The following ZMIZ1 variants were observed in gnomAD, a reference collection of about 807,000 sequenced individuals.
ZMIZ1 encodes zinc finger MIZ-type containing 1.
Under a neutral mutation model 113.9 loss-of-function variants are expected in ZMIZ1, and 17 were observed. That is an observed-to-expected ratio of 0.15 (90% confidence interval 0.10 to 0.22). The LOEUF (loss-of-function observed/expected upper bound fraction) is 0.22. Ranked by LOEUF, ZMIZ1 falls within the 10% of genes least tolerant of loss-of-function variation. ZMIZ1 has a pLI of 1.00. For missense variants in ZMIZ1, 1,059 were observed against 1,477.8 expected (o/e 0.72, Z 4.65); for synonymous variants, 607 against 603.1 (o/e 1.01, Z -0.09).
intron 7 of ZMIZ1, among the ~76,000 whole-genome samples, chr10:79,259,702 G>C (rs979983885): frequency 6.7e-6 from 1 of 149,032 alleles, no homozygotes; most frequent in Non-Finnish European, 1.5e-5. Flanking sequence ...TGCAACTTCT[G>C]CCTCCCAGGT....
intron 5 of ZMIZ1, among the ~76,000 whole-genome samples, chr10:79,205,967 G>T (rs1033630144): frequency 1.3e-5 from 2 of 152,122 alleles, no homozygotes; most frequent in African/African-American, 4.8e-5. Context: ...AAGTAGCCAG[G>T]CATGGTGGTG....
chr10:79,253,731 A>G (rs1850697215), intron 7 of ZMIZ1, among the ~76,000 whole-genome samples: 1 of 152,180 alleles, frequency 6.6e-6, no homozygotes. Flanking sequence ...CAGACGCAGG[A>G]GGCTCACTTA....
chr10:79,070,439 GGGAGCCGGC>G (rs1451725096), intron 1 of ZMIZ1, among the ~76,000 whole-genome samples: 2 of 151,982 alleles, frequency 1.3e-5, no homozygotes, highest in African/African-American at 4.8e-5. Flanking sequence ...GGAGAAGGCC[GGGAGCCGGC>G]CTCAGCCCCG....
At chr10:79,071,280 A>G (rs1411169058) in intron 1 of ZMIZ1, among the ~76,000 whole-genome samples, 2 of 152,236 alleles carry the variant, frequency 1.3e-5, no homozygotes, top group African/African-American at 4.8e-5. Flanking sequence ...GGTAGACCAG[A>G]GGGTTAACCA....
chr10:79,302,705 T>TTTTTTTTTTGA (rs1220394783), intron 18 of ZMIZ1, among the ~76,000 whole-genome samples: 1 of 92,422 alleles, frequency 1.1e-5, no homozygotes. Flanking sequence ...TTTTTTTTTT[T>TTTTTTTTTTGA]GAGAGAGAGA....
chr10:79,229,938 C>T (rs1849329893), intron 7 of ZMIZ1, among the ~76,000 whole-genome samples: 1 of 152,184 alleles, frequency 6.6e-6, no homozygotes. Context: ...CAGCCCGCAA[C>T]AGGGATCCCC....
chr10:79,236,233 C>T (rs1001778728), intron 7 of ZMIZ1, among the ~76,000 whole-genome samples: 4 of 152,324 alleles, frequency 2.6e-5, no homozygotes, highest in African/African-American at 7.2e-5. Flanking sequence ...TCACTTTCTT[C>T]CGCTGCAAAG....
At chr10:79,080,735 T>A (rs1842631930) in intron 1 of ZMIZ1, among the ~76,000 whole-genome samples, 1 of 152,104 alleles carries the variant, frequency 6.6e-6, no homozygotes, top group Non-Finnish European at 1.5e-5. Flanking sequence ...ACATCTGCAT[T>A]TCTGCTTGTG....
At chr10:79,121,418 G>C (rs1174439222) in intron 2 of ZMIZ1, among the ~76,000 whole-genome samples, 1 of 152,216 alleles carries the variant, frequency 6.6e-6, no homozygotes, top group African/African-American at 2.4e-5. Context: ...CTGGGCTTTA[G>C]TTCTGACCTA....
intron 5 of ZMIZ1, among the ~76,000 whole-genome samples, chr10:79,207,694 A>G (rs955080251): frequency 6.6e-6 from 1 of 152,154 alleles, no homozygotes; most frequent in Admixed American, 6.5e-5. Context: ...TACGTCACAC[A>G]CAGCAGCCCC....
chr10:79,299,392 G>A (rs1363753153), intron 16 of ZMIZ1, among the ~76,000 whole-genome samples: 3 of 152,244 alleles, frequency 2.0e-5, no homozygotes, highest in Non-Finnish European at 4.4e-5. Context: ...CAGTCAAGGT[G>A]TCGTGGCCCA....
chr10:79,133,608 C>G (rs1844866361), intron 2 of ZMIZ1, among the ~76,000 whole-genome samples: 1 of 152,180 alleles, frequency 6.6e-6, no homozygotes. Flanking sequence ...CGACGCATGC[C>G]TGGCCTGAAA....
rs559476335 is a variant in ZMIZ1 at position 79,289,755 on chromosome 10, C to T, written c.426-20C>T. ...TGTGCCTGCCAGGCCCTGAAGATCT[C>T]CCTCTGTCTCCCTCTGCAGTGATGG... On this transcript the variant is annotated intron_variant, in intron 8 of 24. Coordinates refer to ENST00000334512, the MANE Select transcript of ZMIZ1 (RefSeq NM_020338.4). 11 of 1,607,714 alleles carry T rather than the reference C, an allele frequency of 6.8e-6. No individual in the cohort carries two copies. In the South Asian group the frequency reaches 1.1e-4, roughly 16 times the overall value.
chr10:79,195,400 G>A (rs1374861175), intron 4 of ZMIZ1, among the ~76,000 whole-genome samples: 1 of 152,210 alleles, frequency 6.6e-6, no homozygotes, highest in African/African-American at 2.4e-5. Flanking sequence ...TAGCCTGCTT[G>A]GTCTCACCCC....
chr10:79,219,668 T>C (rs767412781), intron 7 of ZMIZ1, among the ~76,000 whole-genome samples: 27 of 152,182 alleles, frequency 1.8e-4, no homozygotes, highest in Non-Finnish European at 3.2e-4. Context: ...GAACACAGCC[T>C]TTGTAATTTA....
At chr10:79,115,799 T>C (rs1843994613) in intron 1 of ZMIZ1, among the ~76,000 whole-genome samples, 1 of 152,220 alleles carries the variant, frequency 6.6e-6, no homozygotes, top group Non-Finnish European at 1.5e-5. Flanking sequence ...AGCCAGTCAC[T>C]CACCTGAGGT....
At chr10:79,080,142 C>T (rs775217629) in intron 1 of ZMIZ1, among the ~76,000 whole-genome samples, 19 of 152,288 alleles carry the variant, frequency 1.2e-4, no homozygotes, top group Non-Finnish European at 2.5e-4. Flanking sequence ...ATGTCCCCAC[C>T]TTCCTGGGAT....
At chr10:79,193,811 G>A (rs1181405968) in intron 4 of ZMIZ1, among the ~76,000 whole-genome samples, 1 of 152,182 alleles carries the variant, frequency 6.6e-6, no homozygotes, top group Non-Finnish European at 1.5e-5. Context: ...ATGGAGGTGC[G>A]ATCTTCAGAG....
intron 7 of ZMIZ1, among the ~76,000 whole-genome samples, chr10:79,222,467 C>A (rs568700543): frequency 6.6e-6 from 1 of 152,340 alleles, no homozygotes; most frequent in African/African-American, 2.4e-5. Flanking sequence ...CTCAACGCAG[C>A]AGCCCGAGTC....
Sources: allele counts gnomAD v4.1 joint callset (sites outside exome capture counted in the v4.1 genomes callset), GRCh38; gene constraint gnomAD v4.1.1; transcripts MANE v1.5; gene names NCBI Gene and HGNC (gene_info 2026-07-23, HGNC 2026-07-21).